Variants in NLGN4Y observed in about 807,000 individuals in gnomAD.
The protein encoded by NLGN4Y is neuroligin-4, Y-linked.
A neutral mutation model predicts 8.4 loss-of-function variants in NLGN4Y; 4 were observed. The observed-to-expected ratio is 0.48, with a 90% CI of 0.23 to 1.09. The LOEUF is 1.09. Ranked by LOEUF, NLGN4Y falls within the 50% of genes least tolerant of loss-of-function variation. The probability of loss-of-function intolerance (pLI) is 0.19; values close to 1 mark genes in which losing one functional copy is unlikely to be tolerated. For missense variants in NLGN4Y, 90 were observed against 192.3 expected (o/e 0.47, Z 3.15); for synonymous variants, 35 against 75.6 (o/e 0.46, Z 2.78).
At chrY:14,570,017 G>T (rs1034982396) in intron 1 of NLGN4Y, among the ~76,000 whole-genome samples, 6 of 33,908 alleles carry the variant, frequency 1.8e-4, no homozygotes, top group Non-Finnish European at 3.7e-4. Context: ...AAACTGCACA[G>T]CCAGTAGAAA....
intron 4 of NLGN4Y, among the ~76,000 whole-genome samples, chrY:14,757,252 C>T: frequency 6.2e-5 from 2 of 32,215 alleles, no homozygotes; most frequent in African/African-American, 2.4e-4. Flanking sequence ...CTAATTCTCT[C>T]GTTTAATCTA....
At chrY:14,548,217 A>AGTAGGAG (rs2080179229) in intron 1 of NLGN4Y, among the ~76,000 whole-genome samples, 1 of 32,721 alleles carries the variant, frequency 3.1e-5, no homozygotes, top group East Asian at 8.0e-4. Flanking sequence ...CGGTGGCCAA[A>AGTAGGAG]GTAGGAGGAT....
chrY:14,629,862 G>A (rs773117854), intron 2 of NLGN4Y, among the ~76,000 whole-genome samples: 1 of 33,866 alleles, frequency 3.0e-5, no homozygotes, highest in African/African-American at 1.2e-4. Context: ...TCACTTCACT[G>A]TCCAAAATAT....
intron 1 of NLGN4Y, among the ~76,000 whole-genome samples, chrY:14,597,650 T>G: frequency 3.1e-5 from 1 of 32,131 alleles, no homozygotes; most frequent in Non-Finnish European, 7.6e-5. Flanking sequence ...TTGAGCTAGA[T>G]AGAGAGTGCC....
At chrY:14,756,866 CATATATATATATATATAT>C (rs145217639) in intron 4 of NLGN4Y, among the ~76,000 whole-genome samples, 2 of 2,179 alleles carry the variant, frequency 9.2e-4, no homozygotes, top group African/African-American at 4.9e-3. Flanking sequence ...ATATTTTATA[CATATATATATATATATAT>C]ATATATATAT....
chrY:14,834,024 A>C, intron 6 of NLGN4Y, among the ~76,000 whole-genome samples: 1 of 32,280 alleles, frequency 3.1e-5, no homozygotes, highest in Admixed American at 2.8e-4. Flanking sequence ...AAAAAGAAAA[A>C]AAAAGATACG....
At chrY:14,626,663 A>C in intron 2 of NLGN4Y, among the ~76,000 whole-genome samples, 1 of 33,462 alleles carries the variant, frequency 3.0e-5, no homozygotes. Context: ...GCCTGCTTCC[A>C]TTCCCTTATC....
chrY:14,587,653 T>C (rs2080345948), intron 1 of NLGN4Y, among the ~76,000 whole-genome samples: 1 of 33,851 alleles, frequency 3.0e-5, no homozygotes, highest in Non-Finnish European at 7.3e-5. Context: ...GTGTTAGTCA[T>C]CTCTGGGCTT....
At chrY:14,735,633 G>C in intron 4 of NLGN4Y, among the ~76,000 whole-genome samples, 1 of 33,408 alleles carries the variant, frequency 3.0e-5, no homozygotes. Flanking sequence ...AAAGATACCT[G>C]AAAATGTGGA....
intron 4 of NLGN4Y, among the ~76,000 whole-genome samples, chrY:14,779,862 G>A: frequency 1.5e-4 from 5 of 33,024 alleles, no homozygotes; most frequent in African/African-American, 5.9e-4. Flanking sequence ...AGCCATAGAA[G>A]GTCTTAGATA....
chrY:14,580,804 G>A, intron 1 of NLGN4Y, among the ~76,000 whole-genome samples: 1 of 25,592 alleles, frequency 3.9e-5, no homozygotes, highest in Non-Finnish European at 8.9e-5. Context: ...TGTACTGGGT[G>A]GAGGTGGCAG....
chrY:14,564,158 C>T, intron 1 of NLGN4Y, among the ~76,000 whole-genome samples: 1 of 33,493 alleles, frequency 3.0e-5, no homozygotes, highest in Non-Finnish European at 7.4e-5. Context: ...ATCTTTTCTG[C>T]TTTCTCTTCT....
chrY:14,607,499 T>A (rs915828504), intron 1 of NLGN4Y, among the ~76,000 whole-genome samples: 4 of 33,328 alleles, frequency 1.2e-4, no homozygotes, highest in Admixed American at 5.5e-4. Context: ...TGATCCTCTG[T>A]TTGCTGAGAA....
chrY:14,527,317 A>G, intron 1 of NLGN4Y, among the ~76,000 whole-genome samples: 2 of 34,079 alleles, frequency 5.9e-5, no homozygotes, highest in Non-Finnish European at 1.5e-4. Flanking sequence ...AAGTCATTTA[A>G]TGTCCTCCTT....
intron 1 of NLGN4Y, among the ~76,000 whole-genome samples, chrY:14,564,715 G>A: frequency 3.0e-5 from 1 of 33,707 alleles, no homozygotes; most frequent in East Asian, 8.0e-4. Flanking sequence ...GGGTCAGTCT[G>A]CTTCCTCAAG....
chrY:14,598,079 T>G, intron 1 of NLGN4Y, among the ~76,000 whole-genome samples: 1 of 34,520 alleles, frequency 2.9e-5, no homozygotes, highest in African/African-American at 1.1e-4. Flanking sequence ...CAATCCCTGA[T>G]CTAGATATAC....
intron 1 of NLGN4Y, among the ~76,000 whole-genome samples, chrY:14,571,872 T>C (rs2080272367): frequency 3.1e-5 from 1 of 32,753 alleles, no homozygotes; most frequent in Admixed American, 2.8e-4. Flanking sequence ...CCCCTTTTCT[T>C]GTGTTTGTCA....
At chrY:14,757,335 AT>A (rs2081064596) in intron 4 of NLGN4Y, among the ~76,000 whole-genome samples, 1 of 32,700 alleles carries the variant, frequency 3.1e-5, no homozygotes. Context: ...TCAAGGTTGA[AT>A]TTTTGTTTCT....
chrY:14,525,099 G>T, intron 1 of NLGN4Y, among the ~76,000 whole-genome samples: 3 of 33,506 alleles, frequency 9.0e-5, no homozygotes, highest in African/African-American at 3.5e-4. Context: ...GAGCGGGAGC[G>T]GGAGCGGGGG....
Sources: gnomAD v4.1 joint callset for allele counts (sites outside exome capture counted in the v4.1 genomes callset) on GRCh38, gnomAD v4.1.1 for gene constraint, MANE v1.5 for transcripts, NCBI Gene and HGNC (gene_info 2026-07-23, HGNC 2026-07-21) for gene names.